BRIP1: variants seen among roughly 807,000 people sequenced by gnomAD.
BRIP1 encodes BRCA1 interacting DNA helicase 1.
BRIP1 carries 88 observed loss-of-function variants against 119.7 expected under a neutral mutation model. The ratio of observed to expected loss-of-function variants is 0.74; its 90% CI spans 0.62 to 0.88. BRIP1 has a LOEUF of 0.88. BRIP1 is among the 40% of genes least tolerant of loss of function. The pLI is 0.00. For missense variants in BRIP1, 1,259 were observed against 1,455.4 expected (o/e 0.87, Z 2.20); for synonymous variants, 443 against 496.5 (o/e 0.89, Z 1.43).
rs1439232635 is a variant in BRIP1, at chr17:61,856,769, A to C, written c.379+289T>G. On this transcript the variant is annotated intron_variant, in intron 4 of 19. Coordinates refer to ENST00000259008, the MANE Select transcript of BRIP1 (RefSeq NM_032043.3). This position sits in a 1 kb window ranked among gnomAD's most constrained non-coding sequence, Gnocchi z 5.1. Reference sequence around the variant, plus strand: ...AGAATTCTAACATATAATTAACAATAATGGCTACAAATAACATCAATTTTG... The same window carrying C: ...AGAATTCTAACATATAATTAACAATCATGGCTACAAATAACATCAATTTTG... 6.6e-6 allele frequency among the ~76,000 whole-genome samples: 1 copy of C among 152,204 alleles called. No homozygotes were observed. The highest frequency in any genetic ancestry group is 1.5e-5 in the Non-Finnish European group (1 of 68,030).
At position 61,803,394 on chromosome 17, in the gene BRIP1, C is replaced by T. The variant is rs550364455; in HGVS notation, c.919-1920G>A. ...GCCACTGCACTCCACCCCATTCTAT[C>T]ACTGGAAATAAAAAAATTTCATTAC... On this transcript the variant is annotated intron_variant, in intron 7 of 19. Transcript: ENST00000259008. This position sits in a 1 kb window ranked among gnomAD's most constrained non-coding sequence, Gnocchi z 4.3. Among the ~76,000 whole-genome samples the T allele has an allele frequency of 6.9e-4, 105 of 152,104 alleles. 1 individual carries two copies. Among genetic ancestry groups the T allele is most frequent in the African/African-American group, 2.4e-3 (98 of 41,522 alleles).
chr17:61,714,151 A>G (rs1029036139), intron 17 of BRIP1, among the ~76,000 whole-genome samples: 2 of 152,174 alleles, frequency 1.3e-5, no homozygotes, highest in Non-Finnish European at 2.9e-5. Flanking sequence ...TCTCTCAAAA[A>G]GAAAAAGTCA....
intron 6 of BRIP1, among the ~76,000 whole-genome samples, chr17:61,826,017 A>G (rs1287164075): frequency 6.6e-6 from 1 of 152,230 alleles, no homozygotes; most frequent in Non-Finnish European, 1.5e-5. Flanking sequence ...ACGTGGCTAC[A>G]GTAATCAAAA....
rs949275288 is a variant in BRIP1, at chr17:61,775,843, T to C, written c.2097+558A>G. 6.5e-6 allele frequency: 1 copy of C among 153,490 alleles called. No individual in the cohort carries two copies. The highest frequency in any genetic ancestry group is 1.4e-5 in the Non-Finnish European group (1 of 68,984). 9.5% of individuals were successfully genotyped at this position (153,490 alleles called of 1,614,324 possible). A position where few individuals can be genotyped will look rare whatever the true frequency, so the allele number is the denominator to read the frequency against. On this transcript the variant is annotated intron_variant, in intron 14 of 19. Transcript: ENST00000259008. The surrounding 1 kb of genome is among the most constrained non-coding windows in gnomAD (Gnocchi z 4.4). The stretch of plus-strand genomic sequence containing the variant: ...ATAAAAATGTACACATAAACACTTC[T>C]CCTATATAATTAACATTGCTTGAAG...
chr17:61,696,542 A>G (rs2061523624), intron 17 of BRIP1, among the ~76,000 whole-genome samples: 1 of 152,028 alleles, frequency 6.6e-6, no homozygotes, highest in African/African-American at 2.4e-5. Flanking sequence ...TCTTCTGTAA[A>G]TTTTTGGTAG....
intron 6 of BRIP1, among the ~76,000 whole-genome samples, chr17:61,838,109 C>T (rs1027867663): frequency 1.3e-5 from 2 of 152,066 alleles, no homozygotes; most frequent in Non-Finnish European, 2.9e-5. Flanking sequence ...ATTTGAAAAA[C>T]GTGAAGACTA....
rs1450045234 is a variant in BRIP1, at chr17:61,742,021, C to T, written c.2379+992G>A. Among the ~76,000 whole-genome samples the T allele has an allele frequency of 6.6e-6, 1 of 152,190 alleles. No homozygotes were observed. Among genetic ancestry groups the T allele is most frequent in the African/African-American group, 2.4e-5 (1 of 41,448 alleles). On this transcript the variant is annotated intron_variant, in intron 16 of 19. Transcript: ENST00000259008. The surrounding 1 kb of genome is among the most constrained non-coding windows in gnomAD (Gnocchi z 4.7). ...TCTACACTGAAAATCTGTTGTTTTG[C>T]GTAGCCACCTTCATCAATTATCTTG...
Position 61,720,020 on chromosome 17 carries a change from G to C in BRIP1, c.2380-3957C>G, listed in dbSNP as rs1603295106. On this transcript the variant is annotated intron_variant, in intron 16 of 19. Coordinates refer to ENST00000259008, the MANE Select transcript of BRIP1 (RefSeq NM_032043.3). The surrounding 1 kb of genome is among the most constrained non-coding windows in gnomAD (Gnocchi z 4.3). ...ATTTTTTTCTTTTTTAATTTTTATA[G>C]AGATGGATTCTTGCTATGTTGCCTA... is the stretch of plus-strand genomic sequence containing the variant. 6.6e-6 allele frequency among the ~76,000 whole-genome samples: 1 copy of C among 151,942 alleles called. No homozygotes were observed. The highest frequency in any genetic ancestry group is 1.5e-5 in the Non-Finnish European group (1 of 67,986).
chr17:61,748,566 C>T lies in BRIP1; in HGVS notation c.2098-3975G>A, dbSNP rs963145157. On this transcript the variant is annotated intron_variant, in intron 14 of 19. Transcript: ENST00000259008. This position sits in a 1 kb window ranked among gnomAD's most constrained non-coding sequence, Gnocchi z 4.7. ...GAGGCATCGTGCTTCATGACACTTA[C>T]ATCTTACAAACCCACCATAATCAAA... 3.9e-5 allele frequency among the ~76,000 whole-genome samples: 6 copies of T among 152,172 alleles called. No homozygotes were observed. The highest frequency in any genetic ancestry group is 9.7e-5 in the African/African-American group (4 of 41,438).
In BRIP1 at chr17:61,735,997, A is replaced by G. The variant is rs1603301220; in HGVS notation, c.2379+7016T>C. On this transcript the variant is annotated intron_variant, in intron 16 of 19. Transcript: ENST00000259008. This position sits in a 1 kb window ranked among gnomAD's most constrained non-coding sequence, Gnocchi z 4.4. Reference sequence around the variant, plus strand: ...GAAACTGAGATAATAAATGTGTGTTAAGCCACTATGTGATAATTTGTTACA... The same window carrying G: ...GAAACTGAGATAATAAATGTGTGTTGAGCCACTATGTGATAATTTGTTACA... Among the ~76,000 whole-genome samples, 1 of 152,036 alleles carries G rather than the reference A, an allele frequency of 6.6e-6. No individual in the cohort carries two copies. The highest frequency in any genetic ancestry group is 1.9e-4 in the East Asian group (1 of 5,164).
intron 17 of BRIP1, among the ~76,000 whole-genome samples, chr17:61,707,241 G>C (rs1274657516): frequency 6.6e-6 from 1 of 151,960 alleles, no homozygotes; most frequent in Non-Finnish European, 1.5e-5. Context: ...TGGTTTCAGT[G>C]TTGCTTTTCA....
intron 16 of BRIP1, among the ~76,000 whole-genome samples, chr17:61,721,030 T>C (rs8067024): frequency 0.033 from 5,030 of 151,574 alleles, 321 homozygotes; most frequent in African/African-American, 0.12. Context: ...TTAGTAGAGT[T>C]GGGATTTCAC....
At position 61,842,627 on chromosome 17, in the gene BRIP1, A is replaced by G. The variant is rs985942042; in HGVS notation, c.627+4474T>C. On this transcript the variant is annotated intron_variant, in intron 6 of 19. Coordinates refer to ENST00000259008, the MANE Select transcript of BRIP1 (RefSeq NM_032043.3). The surrounding 1 kb of genome is among the most constrained non-coding windows in gnomAD (Gnocchi z 5.1). ...ATAAAGATCAGAACTACAAATATGT[A>G]ATATTATTAGTCGGTATTATATAGA... 2.0e-5 allele frequency among the ~76,000 whole-genome samples: 3 copies of G among 152,198 alleles called. No homozygotes were observed. Among genetic ancestry groups the G allele is most frequent in the Admixed American group, 6.6e-5 (1 of 15,266 alleles).
chr17:61,826,083 C>A (rs539255666), intron 6 of BRIP1, among the ~76,000 whole-genome samples: 2 of 152,136 alleles, frequency 1.3e-5, no homozygotes, highest in East Asian at 3.9e-4. Flanking sequence ...GAATAGAGAG[C>A]CCAGAAATAA....
In BRIP1 at chr17:61,691,983, G is replaced by A. The variant is rs1220557094; in HGVS notation, c.2575+1447C>T. Among the ~76,000 whole-genome samples, 1 of 152,096 alleles carries A rather than the reference G, an allele frequency of 6.6e-6. No homozygotes were observed. The highest frequency in any genetic ancestry group is 1.5e-5 in the Non-Finnish European group (1 of 67,924). On this transcript the variant is annotated intron_variant, in intron 18 of 19. Transcript: ENST00000259008. This position sits in a 1 kb window ranked among gnomAD's most constrained non-coding sequence, Gnocchi z 5.0. Reference sequence around the variant, plus strand: ...ATATGGTCAGCGGATCTTCAACAGGGTGTCATTGGGGATTGATATGCTTTG... The same window carrying A: ...ATATGGTCAGCGGATCTTCAACAGGATGTCATTGGGGATTGATATGCTTTG...
Position 61,744,568 on chromosome 17 carries a change from A to G in BRIP1, c.2121T>C (p.Arg707=), listed in dbSNP as rs1481107855. The change falls in exon 15 of 20, where the codon CGT becomes CGC. Residue 707 remains arginine (R), a synonymous_variant. Coordinates refer to ENST00000259008, the MANE Select transcript of BRIP1 (RefSeq NM_032043.3). This position sits in a 1 kb window ranked among gnomAD's most constrained non-coding sequence, Gnocchi z 5.0. ...SYKLLEKLKE[R]WLSTGLWHNL... is the part of the protein sequence containing the mutation. The stretch of plus-strand genomic sequence containing the variant: ...TATGCCATAAACCAGTAGAGAGCCA[A>G]CGTTCTTTTAATTTTTCTAATAACT... 1.9e-6 allele frequency: 3 copies of G among 1,613,574 alleles called. No homozygotes were observed. The highest frequency in any genetic ancestry group is 2.2e-5 in the East Asian group (1 of 44,838).
Position 61,739,096 on chromosome 17 carries a change from GGAA to G in BRIP1, c.2379+3914_2379+3916del, listed in dbSNP as rs1192565344. ...CAAAATTGTATTTTATTAAGATATT[GGAA>G]GAAGATGTGGTCTAAAGAAGGGAAA... is the stretch of plus-strand genomic sequence containing the variant. On this transcript the variant is annotated intron_variant, in intron 16 of 19. Transcript: ENST00000259008. The surrounding 1 kb of genome is among the most constrained non-coding windows in gnomAD (Gnocchi z 6.0). 1.7e-5 allele frequency: 3 copies of G among 175,382 alleles called. No homozygotes were observed. Among genetic ancestry groups the G allele is most frequent in the African/African-American group, 7.1e-5 (3 of 42,128 alleles). The allele number at this position is 175,382 out of a possible 1,614,324, so 10.9% of individuals were successfully genotyped here.
At position 61,680,107 on chromosome 17, in the gene BRIP1, C is replaced by T. The variant is rs2061253200; in HGVS notation, c.*3189G>A. On this transcript the variant is annotated 3_prime_UTR_variant, in exon 20 of 20. Transcript: ENST00000259008. ...CCTGTAATCCCAACACTTTGGGAGG[C>T]CGAGGTGGGCAGATCACTTGAGGTC... is the stretch of plus-strand genomic sequence containing the variant. 6.6e-6 allele frequency among the ~76,000 whole-genome samples: 1 copy of T among 150,998 alleles called. No individual in the cohort carries two copies. The highest frequency in any genetic ancestry group is 2.4e-5 in the African/African-American group (1 of 40,994).
intron 6 of BRIP1, among the ~76,000 whole-genome samples, chr17:61,836,255 C>T (rs1478110869): frequency 6.6e-6 from 1 of 151,782 alleles, no homozygotes; most frequent in Non-Finnish European, 1.5e-5. Flanking sequence ...GGACCACAGG[C>T]ATGAGCCACC....
Sources: gnomAD v4.1 joint callset for allele counts (sites outside exome capture counted in the v4.1 genomes callset) on GRCh38, gnomAD v4.1.1 for gene constraint, Gnocchi (gnomAD v3.1) non-coding constraint, MANE v1.5 for transcripts, NCBI Gene and HGNC (gene_info 2026-07-23, HGNC 2026-07-21) for gene names.